The following PRKCSH variants were observed in gnomAD, a reference collection of about 807,000 sequenced individuals.
PRKCSH encodes the protein PRKCSH beta subunit of glucosidase II.
A neutral mutation model predicts 79.7 loss-of-function variants in PRKCSH; 42 were observed. The observed-to-expected ratio is 0.53, with a 90% confidence interval of 0.41 to 0.68. The LOEUF (loss-of-function observed/expected upper bound fraction) is 0.68, where lower values mean the gene tolerates loss of function less well. Ranked by LOEUF, PRKCSH falls within the 30% of genes least tolerant of loss-of-function variation. The pLI is 0.00. For synonymous variants in PRKCSH, 325 were observed against 288.2 expected (o/e 1.13, Z -1.29); for missense variants, 686 against 709.0 (o/e 0.97, Z 0.37).
rs949356867 is a variant in PRKCSH at position 11,448,711 on chromosome 19, G to A, written c.1286+82G>A. ...GAAGTGGCACCGGCAGTTTCCTGAT[G>A]GTTGGGGAACCATCTGCGGGTGGGG... is the stretch of plus-strand genomic sequence containing the variant. On this transcript the variant is annotated intron_variant, in intron 14 of 17. Coordinates refer to ENST00000677123, the MANE Select transcript of PRKCSH (RefSeq NM_001289104.2). This position sits in a 1 kb window ranked among gnomAD's most constrained non-coding sequence, Gnocchi z 4.4. The A allele has an allele frequency of 6.9e-6, 10 of 1,451,798 alleles. No homozygotes were observed. The Admixed American group carries it at 1.2e-4, about 17-fold the overall frequency. The allele number at this position is 1,451,798 out of a possible 1,614,324, so 89.9% of individuals were successfully genotyped here. A position where few individuals can be genotyped will look rare whatever the true frequency, so the allele number is the denominator to read the frequency against.
Position 11,440,807 on chromosome 19 carries a change from TTC to T in PRKCSH, c.351-431_351-430del, listed in dbSNP as rs369636689. 1.9e-3 allele frequency among the ~76,000 whole-genome samples: 293 copies of T among 152,192 alleles called. 2 individuals are homozygous for T. The highest frequency in any genetic ancestry group is 6.8e-3 in the African/African-American group (283 of 41,538). On this transcript the variant is annotated intron_variant, in intron 5 of 17. Transcript: ENST00000677123. ...TTTTGTCTGGGAGTCATGATTTCTG[TTC>T]TGTCTTCTGTGGTTTTTTTATTTGT...
chr19:11,447,780 T>G lies in PRKCSH; in HGVS notation c.1117T>G (p.Phe373Val). The G allele has an allele frequency of 1.3e-6, 2 of 1,578,044 alleles. No individual in the cohort carries two copies. Among genetic ancestry groups the G allele is most frequent in the Non-Finnish European group, 1.7e-6 (2 of 1,163,298 alleles). ...GCCCTACGACGAGCAGACGCAGGCC[T>G]TCATCGATGGTGAGGGTGGGCGGGG... ...MPPYDEQTQA[F>V]IDAAQEARNK... Residue 373 changes from phenylalanine to valine, a missense_variant, in exon 12 of 18, where the codon TTC (phenylalanine) becomes GTC (valine). By Grantham distance (50) the Phe-to-Val change is conservative. This residue lies in a region of PRKCSH where 549 missense variants were observed against 520.2 expected (regional missense o/e 1.06). Transcript: ENST00000677123. The surrounding 1 kb of genome is among the most constrained non-coding windows in gnomAD (Gnocchi z 5.6).
Position 11,446,500 on chromosome 19 carries a change from C to T in PRKCSH, c.762+150C>T, listed in dbSNP as rs571599459. 12 of 952,936 alleles carry T rather than the reference C, an allele frequency of 1.3e-5. No individual in the cohort carries two copies. In the South Asian group the frequency reaches 1.7e-4, roughly 13 times the overall value. The allele number at this position is 952,936 out of a possible 1,614,324, so 59.0% of individuals were successfully genotyped here. A position where few individuals can be genotyped will look rare whatever the true frequency, so the allele number is the denominator to read the frequency against. On this transcript the variant is annotated intron_variant, in intron 9 of 17. Transcript: ENST00000677123. ...GGATGGCAGCCACTCAGGGCCGCTT[C>T]CCGCCTGGCAGGACCCGGGATGGAG... is the stretch of plus-strand genomic sequence containing the variant.
At chr19:11,436,242 G>A (rs1282255957) in intron 2 of PRKCSH, 46 bp downstream of exon 2, 2 of 1,599,316 alleles carry the variant, frequency 1.3e-6, no homozygotes, top group African/African-American at 2.7e-5. Context: ...GGTGGGAGGG[G>A]CCAACATTGG....
chr19:11,435,737 C>A, intron 1 of PRKCSH, 31 bp downstream of exon 1: 1 of 1,344,692 alleles, frequency 7.4e-7, no homozygotes. Flanking sequence ...GGGAGGGCAC[C>A]TCAGTTTCTT....
Position 11,446,320 on chromosome 19 carries a change from G to T in PRKCSH, c.732G>T (p.Gly244=). ...LQTHPELDTD[G]DGALSEAEAQ... The stretch of plus-strand genomic sequence containing the variant: ...CTCACCCGGAGCTGGACACAGATGG[G>T]GATGGGGCGTTGTCAGAAGCGGAAG... The change falls in exon 9 of 18, where the codon GGG becomes GGT. Residue 244 remains glycine (G), a synonymous_variant. Coordinates refer to ENST00000677123, the MANE Select transcript of PRKCSH (RefSeq NM_001289104.2). 2 of 1,613,884 alleles carry T rather than the reference G, an allele frequency of 1.2e-6. No individual in the cohort carries two copies. Among genetic ancestry groups the T allele is most frequent in the South Asian group, 1.1e-5 (1 of 91,074 alleles).
At position 11,447,867 on chromosome 19, in the gene PRKCSH, C is replaced by T. The variant is rs899347313; in HGVS notation, c.1126+78C>T. ...TGGTGGCACAGGTCGAGGGAAGATC[C>T]TGAGCTTAGACCCTGCTCTGACTCG... On this transcript the variant is annotated intron_variant, in intron 12 of 17. Transcript: ENST00000677123. This position sits in a 1 kb window ranked among gnomAD's most constrained non-coding sequence, Gnocchi z 5.6. The T allele has an allele frequency of 7.6e-6, 11 of 1,440,330 alleles. No individual in the cohort carries two copies. In the African/African-American group the frequency reaches 9.9e-5, roughly 13 times the overall value. 89.2% of individuals were successfully genotyped at this position (1,440,330 alleles called of 1,614,324 possible).
chr19:11,438,015 G>T (rs763495352), intron 4 of PRKCSH, 44 bp downstream of exon 4: 5 of 1,613,896 alleles, frequency 3.1e-6, no homozygotes, highest in Non-Finnish European at 4.2e-6. Flanking sequence ...GGTAGAGGGA[G>T]GGAGGGAGGA....
In PRKCSH at chr19:11,448,909, C is replaced by T. The variant is rs541677211; in HGVS notation, c.1287-5C>T. The T allele has an allele frequency of 6.2e-7, 1 of 1,614,128 alleles. No homozygotes were observed. The highest frequency in any genetic ancestry group is 1.1e-5 in the South Asian group (1 of 91,080). On this transcript the variant is annotated splice_region_variant and splice_polypyrimidine_tract_variant and intron_variant, in intron 14 of 17. Transcript: ENST00000677123. This position sits in a 1 kb window ranked among gnomAD's most constrained non-coding sequence, Gnocchi z 4.4. ...CCCCAACCCATATGTCCCGGTCCTCCACAGATACGTCTACCGCCTCTGCCC... is the reference window on the plus strand; with the variant it reads ...CCCCAACCCATATGTCCCGGTCCTCTACAGATACGTCTACCGCCTCTGCCC...
At chr19:11,445,986 C>T (rs778700272) in intron 8 of PRKCSH, 17 of 560,486 alleles carry the variant, frequency 3.0e-5, no homozygotes, top group South Asian at 1.7e-4. Flanking sequence ...TTCAATGTGC[C>T]GGGTCCTGGG....
chr19:11,446,768 T>G (rs539316917), intron 9 of PRKCSH, among the ~76,000 whole-genome samples: 1 of 152,090 alleles, frequency 6.6e-6, no homozygotes, highest in Admixed American at 6.5e-5. Context: ...GGCCTCTCCC[T>G]TGGAGGGCCT....
rs535985572 is a variant in PRKCSH, at chr19:11,448,415, C to A, written c.1196+124C>A. On this transcript the variant is annotated intron_variant, in intron 13 of 17. Transcript: ENST00000677123. This position sits in a 1 kb window ranked among gnomAD's most constrained non-coding sequence, Gnocchi z 4.4. ...TGGGCCTGGTCCCTGCAGGGAGGGT[C>A]CCTGGGAGGTGGCAGGGAGGACAGC... 3.4e-6 allele frequency: 5 copies of A among 1,453,986 alleles called. No individual in the cohort carries two copies. Among genetic ancestry groups the A allele is most frequent in the African/African-American group, 2.8e-5 (2 of 71,998 alleles). The allele number at this position is 1,453,986 out of a possible 1,614,324, so 90.1% of individuals were successfully genotyped here.
In PRKCSH at chr19:11,448,800, C is replaced by G; in HGVS notation, c.1287-114C>G. On this transcript the variant is annotated intron_variant, in intron 14 of 17. Transcript: ENST00000677123. This position sits in a 1 kb window ranked among gnomAD's most constrained non-coding sequence, Gnocchi z 4.4. Reference sequence around the variant, plus strand: ...GCCAGGGGCCAGGTTTAGGGTTGGTCATTGGAGTTGGAGGTACCCTGTGTG... The same window carrying G: ...GCCAGGGGCCAGGTTTAGGGTTGGTGATTGGAGTTGGAGGTACCCTGTGTG... 1 of 1,421,740 alleles carries G rather than the reference C, an allele frequency of 7.0e-7. No individual in the cohort carries two copies. Among genetic ancestry groups the G allele is most frequent in the South Asian group, 1.1e-5 (1 of 87,040 alleles). 88.1% of individuals were successfully genotyped at this position (1,421,740 alleles called of 1,614,324 possible).
chr19:11,448,718 G>A lies in PRKCSH; in HGVS notation c.1286+89G>A. On this transcript the variant is annotated intron_variant, in intron 14 of 17. Transcript: ENST00000677123. This position sits in a 1 kb window ranked among gnomAD's most constrained non-coding sequence, Gnocchi z 4.4. ...CACCGGCAGTTTCCTGATGGTTGGG[G>A]AACCATCTGCGGGTGGGGCCCGAGA... is the stretch of plus-strand genomic sequence containing the variant. The A allele has an allele frequency of 7.1e-7, 1 of 1,410,090 alleles. No homozygotes were observed. The highest frequency in any genetic ancestry group is 1.0e-6 in the Non-Finnish European group (1 of 997,560). 87.3% of individuals were successfully genotyped at this position (1,410,090 alleles called of 1,614,324 possible).
At chr19:11,435,910 T>C (rs1969698402) in intron 1 of PRKCSH, 131 bp from the exon 2 acceptor site, 8 of 923,480 alleles carry the variant, frequency 8.7e-6, no homozygotes, top group Middle Eastern at 2.3e-4. Flanking sequence ...CTGGCCAGGA[T>C]TGGGGAGATC....
Position 11,435,653 on chromosome 19 carries a change from G to C in PRKCSH, c.-131G>C, listed in dbSNP as rs1008011503. 2 of 1,283,880 alleles carry C rather than the reference G, an allele frequency of 1.6e-6. No individual in the cohort carries two copies. The highest frequency in any genetic ancestry group is 2.0e-6 in the Non-Finnish European group (2 of 982,528). The allele number at this position is 1,283,880 out of a possible 1,614,324, so 79.5% of individuals were successfully genotyped here. A position where few individuals can be genotyped will look rare whatever the true frequency, so the allele number is the denominator to read the frequency against. Reference sequence around the variant, plus strand: ...CCGCTTTCTTTCTGCAGCAGGAACCGCGGCTGCTGGACAAGAGGGGTGCGG... The same window carrying C: ...CCGCTTTCTTTCTGCAGCAGGAACCCCGGCTGCTGGACAAGAGGGGTGCGG... On this transcript the variant is annotated 5_prime_UTR_variant, in exon 1 of 18. Transcript: ENST00000677123.
At chr19:11,445,558 G>T in intron 8 of PRKCSH, 85 bp downstream of exon 8, 1 of 1,357,430 alleles carries the variant, frequency 7.4e-7, no homozygotes, top group Non-Finnish European at 1.0e-6. Context: ...AAACCAGCCA[G>T]ATCCTCCTTG....
At position 11,447,716 on chromosome 19, in the gene PRKCSH, C is replaced by G; in HGVS notation, c.1053C>G (p.Pro351=). Reference sequence around the variant, plus strand: ...AGGAGGCCCCACCGCCACTGTCACCCCCGCAGCCGGCCAGCCCTGCTGAGG... The same window carrying G: ...AGGAGGCCCCACCGCCACTGTCACCGCCGCAGCCGGCCAGCCCTGCTGAGG... ...QPKEAPPPLS[P]PQPASPAEED... is the part of the protein sequence containing the mutation. Residue 351 remains proline, a synonymous_variant, in exon 12 of 18, where the codon CCC becomes CCG. Transcript: ENST00000677123. The surrounding 1 kb of genome is among the most constrained non-coding windows in gnomAD (Gnocchi z 5.6). The G allele has an allele frequency of 1.3e-6, 2 of 1,587,646 alleles. No individual in the cohort carries two copies. The highest frequency in any genetic ancestry group is 2.7e-5 in the African/African-American group (2 of 74,656).
At chr19:11,446,182 G>T (rs1436036790) in intron 8 of PRKCSH, 90 bp from the exon 9 acceptor site, 42 of 1,424,762 alleles carry the variant, frequency 2.9e-5, no homozygotes, top group Non-Finnish European at 2.2e-5. Context: ...GTGGGGCCCT[G>T]CAGGGAAGAA....
Sources: gnomAD v4.1 joint callset for allele counts (sites outside exome capture counted in the v4.1 genomes callset) on GRCh38, gnomAD v4.1.1 for gene constraint, gnomAD v4.1.1 regional missense constraint, Gnocchi (gnomAD v3.1) non-coding constraint, MANE v1.5 for transcripts, NCBI Gene and HGNC (gene_info 2026-07-23, HGNC 2026-07-21) for gene names.